The following DPF3 variants were observed in gnomAD, a reference collection of about 807,000 sequenced individuals.
DPF3 encodes zinc finger protein DPF3.
A neutral mutation model predicts 56.8 loss-of-function variants in DPF3; 18 were observed. The ratio of observed to expected loss-of-function variants is 0.32; its 90% confidence interval spans 0.22 to 0.47. DPF3 has a LOEUF of 0.47. Among genes scored for constraint, DPF3 ranks in the 20% least tolerant of loss-of-function variants. The probability of loss-of-function intolerance (pLI) is 1.00; values close to 1 mark genes in which losing one functional copy is unlikely to be tolerated. For synonymous variants in DPF3, 188 were observed against 180.2 expected (o/e 1.04, Z -0.35); for missense variants, 403 against 488.8 (o/e 0.82, Z 1.65).
Position 72,723,565 on chromosome 14 carries a change from G to T in DPF3, c.525+68C>A, listed in dbSNP as rs1249047503. On this transcript the variant is annotated intron_variant, in intron 5 of 10. Coordinates refer to ENST00000556509, the MANE Select transcript of DPF3 (RefSeq NM_001280542.3). ...ATGATTTCCATCTAGCTGCAGTGGA[G>T]ATCAATCGTTGGCCGGGCACCCCAG... 6.9e-6 allele frequency: 9 copies of T among 1,308,578 alleles called. No homozygotes were observed. In the South Asian group the frequency reaches 1.3e-4, roughly 18 times the overall value. The allele number at this position is 1,308,578 out of a possible 1,614,324, so 81.1% of individuals were successfully genotyped here.
At chr14:72,821,424 C>CA (rs1883537343) in intron 1 of DPF3, among the ~76,000 whole-genome samples, 1 of 152,048 alleles carries the variant, frequency 6.6e-6, no homozygotes, top group African/African-American at 2.4e-5. Context: ...TCTCCACCAA[C>CA]AAAAGGGACA....
At chr14:72,857,154 A>C (rs545863603) in intron 1 of DPF3, among the ~76,000 whole-genome samples, 1 of 152,110 alleles carries the variant, frequency 6.6e-6, no homozygotes, top group Non-Finnish European at 1.5e-5. Context: ...GCTTAGAATA[A>C]CTATTTGCTA....
At chr14:72,724,396 A>T (rs1184265393) in intron 4 of DPF3, among the ~76,000 whole-genome samples, 1 of 152,114 alleles carries the variant, frequency 6.6e-6, no homozygotes, top group Non-Finnish European at 1.5e-5. Context: ...GGCTGAAAAC[A>T]GTTTTGAGTG....
chr14:72,729,271 A>G (rs1402031674), intron 4 of DPF3, among the ~76,000 whole-genome samples: 1 of 152,192 alleles, frequency 6.6e-6, no homozygotes, highest in Non-Finnish European at 1.5e-5. Flanking sequence ...TTCATAAATA[A>G]TAAAAAATAA....
At chr14:72,669,998 AG>A (rs1405371633) in intron 8 of DPF3, 1 of 985,962 alleles carries the variant, frequency 1.0e-6, no homozygotes, top group Non-Finnish European at 1.2e-6. Flanking sequence ...ACTGTCAGTG[AG>A]GTGGGTGGCC....
At chr14:72,724,844 G>A (rs1448674765) in intron 4 of DPF3, among the ~76,000 whole-genome samples, 2 of 152,036 alleles carry the variant, frequency 1.3e-5, no homozygotes, top group African/African-American at 2.4e-5. Context: ...AAGTAGCTGG[G>A]ACTGCAGGCA....
At chr14:72,712,699 T>C (rs1035035932) in intron 6 of DPF3, among the ~76,000 whole-genome samples, 1 of 152,056 alleles carries the variant, frequency 6.6e-6, no homozygotes, top group African/African-American at 2.4e-5. Flanking sequence ...ACCCCATCTC[T>C]ACAGAAAATT....
rs549010693 is a variant in DPF3, at chr14:72,894,022, C to T, written c.32+35G>A. ...GGCGCCTTTTTTTTCATATTGAAAC[C>T]ACGCGGAATATGTACATTTTTTAGT... On this transcript the variant is annotated intron_variant, in intron 1 of 10. Transcript: ENST00000556509. 3.5e-5 allele frequency: 57 copies of T among 1,606,252 alleles called. No homozygotes were observed. In the East Asian group the frequency reaches 1.1e-3, roughly 30 times the overall value.
rs752090252 is a variant in DPF3, at chr14:72,612,664, G to C, written c.*6633C>G. On this transcript the variant is annotated 3_prime_UTR_variant, in exon 11 of 11. Transcript: ENST00000556509. ...AGACATGGAAGGGCAAACCAAGTCC[G>C]TATAAACCACAAACCCCATTCTAGC... 19 of 511,208 alleles carry C rather than the reference G, an allele frequency of 3.7e-5. 1 individual carries two copies. The Admixed American group carries it at 3.7e-4, about 10-fold the overall frequency. 31.7% of individuals were successfully genotyped at this position (511,208 alleles called of 1,614,324 possible).
chr14:72,778,724 T>C (rs1731156616), intron 1 of DPF3, among the ~76,000 whole-genome samples: 2 of 152,192 alleles, frequency 1.3e-5, no homozygotes, highest in South Asian at 4.1e-4. Flanking sequence ...TGGACATGAC[T>C]GAGGAAGTGT....
At chr14:72,876,835 C>G (rs747813060) in intron 1 of DPF3, among the ~76,000 whole-genome samples, 5 of 152,206 alleles carry the variant, frequency 3.3e-5, no homozygotes, top group Non-Finnish European at 7.3e-5. Flanking sequence ...CTAGGCTGAT[C>G]GTTTAGCGCA....
intron 9 of DPF3, among the ~76,000 whole-genome samples, chr14:72,626,298 C>T (rs925207408): frequency 3.3e-5 from 5 of 152,048 alleles, no homozygotes; most frequent in African/African-American, 4.8e-5. Context: ...TTTTCTCTAC[C>T]CCATTCTCCC....
intron 8 of DPF3, among the ~76,000 whole-genome samples, chr14:72,630,775 T>G (rs191726708): frequency 2.6e-5 from 4 of 152,346 alleles, no homozygotes; most frequent in Admixed American, 6.5e-5. Flanking sequence ...CTTTGCCCAG[T>G]GCCGAGCACT....
rs200865404 is a variant in DPF3 at position 72,791,321 on chromosome 14, T to C, written c.33-19428A>G. On this transcript the variant is annotated intron_variant, in intron 1 of 10. Coordinates refer to ENST00000556509, the MANE Select transcript of DPF3 (RefSeq NM_001280542.3). Reference sequence around the variant, plus strand: ...GCCCCTCCCCCAGGTCCCCCACCACTGCCGCTGCCCCCTGGTCACTGCAGC... The same window carrying C: ...GCCCCTCCCCCAGGTCCCCCACCACCGCCGCTGCCCCCTGGTCACTGCAGC... Among the ~76,000 whole-genome samples the C allele has an allele frequency of 2.6e-5, 4 of 152,224 alleles. No homozygotes were observed. In the East Asian group the frequency reaches 7.7e-4, roughly 29 times the overall value.
intron 1 of DPF3, among the ~76,000 whole-genome samples, chr14:72,871,538 A>T (rs1203159590): frequency 6.6e-6 from 1 of 152,240 alleles, no homozygotes; most frequent in African/African-American, 2.4e-5. Context: ...TTAAAGCTTC[A>T]AAATAATCTC....
chr14:72,761,374 C>A (rs1891063248), intron 2 of DPF3, among the ~76,000 whole-genome samples: 2 of 152,024 alleles, frequency 1.3e-5, no homozygotes, highest in Admixed American at 1.3e-4. Flanking sequence ...AAAAATTATT[C>A]TCTGACCATT....
rs988646697 is a variant in DPF3, at chr14:72,617,757, G to A, written c.*1540C>T. Among the ~76,000 whole-genome samples, 1 of 152,170 alleles carries A rather than the reference G, an allele frequency of 6.6e-6. No homozygotes were observed. Among genetic ancestry groups the A allele is most frequent in the African/African-American group, 2.4e-5 (1 of 41,452 alleles). ...ACAAATACTGCGGCCGGGCAGAGGT[G>A]GCCCAACTAGCCCGAGTCTCCGGGA... On this transcript the variant is annotated 3_prime_UTR_variant, in exon 11 of 11. Transcript: ENST00000556509.
At position 72,754,943 on chromosome 14, in the gene DPF3, A is replaced by C. The variant is rs150562871; in HGVS notation, c.194-1572T>G. Among the ~76,000 whole-genome samples the C allele has an allele frequency of 2.0e-3, 309 of 152,282 alleles. 1 individual carries two copies. The highest frequency in any genetic ancestry group is 7.1e-3 in the African/African-American group (295 of 41,564). On this transcript the variant is annotated intron_variant, in intron 2 of 10. Transcript: ENST00000556509. ...CACCCCTTTGGTTCTTAGAAACTAGAACTGACCTGGACTCAGAAATGTCAG... is the reference window on the plus strand; with the variant it reads ...CACCCCTTTGGTTCTTAGAAACTAGCACTGACCTGGACTCAGAAATGTCAG...
rs1322562830 is a variant in DPF3 at position 72,714,478 on chromosome 14, C to T, written c.549G>A (p.Arg183=). 1 of 1,613,844 alleles carries T rather than the reference C, an allele frequency of 6.2e-7. No homozygotes were observed. Among genetic ancestry groups the T allele is most frequent in the Admixed American group, 1.7e-5 (1 of 60,012 alleles). The change falls in exon 6 of 11, where the codon AGG becomes AGA. Residue 183 remains arginine (R), a synonymous_variant. Coordinates refer to ENST00000556509, the MANE Select transcript of DPF3 (RefSeq NM_001280542.3). ...RGRARGSAGG[R]RRHDAASQED... is the part of the protein sequence containing the mutation. The stretch of plus-strand genomic sequence containing the variant: ...CCTGAGAGGCGGCGTCGTGCCTCCT[C>T]CTGCCCCCTGCAGAGCCGCGAGCCT...
Sources: allele counts gnomAD v4.1 joint callset (sites outside exome capture counted in the v4.1 genomes callset), GRCh38; gene constraint gnomAD v4.1.1; transcripts MANE v1.5; gene names NCBI Gene and HGNC (gene_info 2026-07-23, HGNC 2026-07-21).